Variants in PCSK5 observed in about 807,000 individuals in gnomAD.
PCSK5 encodes proprotein convertase subtilisin/kexin type 5, also known as prohormone convertase 5.
In PCSK5, 129 loss-of-function variants were observed where a neutral mutation model predicts 233.2. The observed-to-expected ratio is 0.55, with a 90% CI of 0.48 to 0.64. PCSK5 has a LOEUF of 0.64. Ranked by LOEUF, PCSK5 falls within the 30% of genes least tolerant of loss-of-function variation. PCSK5 has a pLI of 0.00. For synonymous variants in PCSK5, 825 were observed against 879.2 expected (o/e 0.94, Z 1.09); for missense variants, 2,076 against 2,430.1 (o/e 0.85, Z 3.06).
At chr9:76,259,560 T>G (rs146153105) in intron 24 of PCSK5, among the ~76,000 whole-genome samples, 16 of 152,282 alleles carry the variant, frequency 1.1e-4, no homozygotes, top group African/African-American at 3.8e-4. Flanking sequence ...TTTTATTGAC[T>G]TTTAATATCT....
At chr9:76,142,043 T>A (rs1475261417) in intron 10 of PCSK5, among the ~76,000 whole-genome samples, 1 of 152,034 alleles carries the variant, frequency 6.6e-6, no homozygotes, top group Non-Finnish European at 1.5e-5. Flanking sequence ...GCTTAATACC[T>A]GGGGGATGAA....
chr9:76,116,457 G>T (rs982753171), intron 9 of PCSK5, among the ~76,000 whole-genome samples: 1 of 152,052 alleles, frequency 6.6e-6, no homozygotes, highest in Non-Finnish European at 1.5e-5. Flanking sequence ...TGTGACACCT[G>T]GTAGTATCAT....
intron 21 of PCSK5, among the ~76,000 whole-genome samples, chr9:76,229,578 A>G (rs1317972293): frequency 1.3e-5 from 2 of 152,212 alleles, no homozygotes; most frequent in East Asian, 1.9e-4. Context: ...TATTTGATCT[A>G]TTTCAATGAA....
intron 1 of PCSK5, among the ~76,000 whole-genome samples, chr9:75,908,931 CTCTCTCTCTGTCTATCTA>C (rs1564074927): frequency 1.9e-4 from 22 of 117,762 alleles, no homozygotes; most frequent in South Asian, 1.8e-3. Context: ...ATCTCTCTAT[CTCTCTCTCTGTCTATCTA>C]TCTATCTATC....
At chr9:76,330,014 T>C (rs887969397) in intron 33 of PCSK5, among the ~76,000 whole-genome samples, 1 of 152,060 alleles carries the variant, frequency 6.6e-6, no homozygotes, top group Non-Finnish European at 1.5e-5. Context: ...CTCGGTGATA[T>C]TAATGTTGAT....
chr9:76,159,596 T>G (rs985889659), intron 12 of PCSK5, among the ~76,000 whole-genome samples: 5 of 152,210 alleles, frequency 3.3e-5, no homozygotes, highest in African/African-American at 1.2e-4. Context: ...ACAGATTTTT[T>G]CTGCACAGAG....
intron 24 of PCSK5, among the ~76,000 whole-genome samples, chr9:76,262,570 C>T (rs1186972877): frequency 6.0e-5 from 9 of 148,984 alleles, no homozygotes; most frequent in African/African-American, 2.0e-4. Context: ...AACTGGCTAG[C>T]CATATGTAGA....
rs547077228 is a variant in PCSK5, at chr9:75,958,838, G to T, written c.297+26355G>T. 1.9e-4 allele frequency among the ~76,000 whole-genome samples: 29 copies of T among 152,316 alleles called. No homozygotes were observed. In the South Asian group the frequency reaches 5.6e-3, roughly 29 times the overall value. On this transcript the variant is annotated intron_variant, in intron 2 of 37. Transcript: ENST00000674117. Reference sequence around the variant, plus strand: ...GGTTAATTCGTGCAAAAAGCACATTGTAAACTTGAAAGCATTGTATTTATC... The same window carrying T: ...GGTTAATTCGTGCAAAAAGCACATTTTAAACTTGAAAGCATTGTATTTATC...
At chr9:75,892,430 G>A (rs779114902) in intron 1 of PCSK5, among the ~76,000 whole-genome samples, 27 of 152,214 alleles carry the variant, frequency 1.8e-4, no homozygotes, top group Non-Finnish European at 3.5e-4. Context: ...CATCTTTGGG[G>A]TTGGCCGGAG....
intron 30 of PCSK5, among the ~76,000 whole-genome samples, chr9:76,321,029 T>G (rs747793610): frequency 6.6e-6 from 1 of 151,336 alleles, no homozygotes; most frequent in Non-Finnish European, 1.5e-5. Context: ...TTGGCCAGAA[T>G]GGTCTCGATC....
chr9:76,132,015 A>G (rs956870483), intron 9 of PCSK5, among the ~76,000 whole-genome samples: 2 of 152,112 alleles, frequency 1.3e-5, no homozygotes, highest in African/African-American at 4.8e-5. Flanking sequence ...TTTACCATAA[A>G]TAAGTGGCTA....
At chr9:76,069,299 G>A (rs10869685) in intron 6 of PCSK5, among the ~76,000 whole-genome samples, 35,790 of 151,824 alleles carry the variant, frequency 0.24, 4,672 homozygotes, top group South Asian at 0.31. Context: ...CCTTCTCATG[G>A]TCCAGGATAT....
chr9:76,046,326 C>T lies in PCSK5; in HGVS notation c.632+19289C>T, dbSNP rs532707012. ...CCAAGTAGCTGGGATTACAGGCGCG[C>T]GCCGCTATGCCCAGCTAATTTTTGT... On this transcript the variant is annotated intron_variant, in intron 5 of 37. Coordinates refer to ENST00000674117, the MANE Select transcript of PCSK5 (RefSeq NM_001372043.1). 6.9e-3 allele frequency among the ~76,000 whole-genome samples: 1,038 copies of T among 149,976 alleles called. 12 individuals are homozygous for T. The highest frequency in any genetic ancestry group is 0.011 in the Non-Finnish European group (725 of 67,454).
intron 24 of PCSK5, among the ~76,000 whole-genome samples, chr9:76,260,633 T>C (rs1273566445): frequency 2.6e-5 from 4 of 152,164 alleles, no homozygotes; most frequent in Non-Finnish European, 5.9e-5. Context: ...AAGAACCGAA[T>C]TCTGTCAACA....
intron 7 of PCSK5, among the ~76,000 whole-genome samples, chr9:76,095,498 A>G (rs1831472008): frequency 6.6e-6 from 1 of 152,172 alleles, no homozygotes; most frequent in Non-Finnish European, 1.5e-5. Context: ...CCTTAGGAAT[A>G]TTACTTAACT....
At chr9:76,289,829 G>C (rs1459421149) in intron 24 of PCSK5, among the ~76,000 whole-genome samples, 1 of 152,122 alleles carries the variant, frequency 6.6e-6, no homozygotes, top group African/African-American at 2.4e-5. Flanking sequence ...CACAGTTCCT[G>C]TTCTATGCAT....
chr9:76,058,022 A>T (rs79445862), intron 5 of PCSK5, among the ~76,000 whole-genome samples: 6,871 of 151,710 alleles, frequency 0.045, 325 homozygotes, highest in East Asian at 0.23. Flanking sequence ...TTATTTATTT[A>T]TTTTTTTGTA....
chr9:76,296,589 TC>T lies in PCSK5; in HGVS notation c.3323-74del, dbSNP rs1828444120. The T allele has an allele frequency of 3.0e-5, 26 of 868,696 alleles. No homozygotes were observed. In the Admixed American group the frequency reaches 6.5e-4, roughly 22 times the overall value. The allele number at this position is 868,696 out of a possible 1,614,324, so 53.8% of individuals were successfully genotyped here. A position where few individuals can be genotyped will look rare whatever the true frequency, so the allele number is the denominator to read the frequency against. On this transcript the variant is annotated intron_variant, in intron 26 of 37. Transcript: ENST00000674117. ...TGCAAAGAAAAATGTCCCTAAAATT[TC>T]CTCCAGCCTCTTTAGAACTTGGCCT...
At chr9:76,053,889 C>A (rs943405826) in intron 5 of PCSK5, among the ~76,000 whole-genome samples, 7 of 152,148 alleles carry the variant, frequency 4.6e-5, no homozygotes, top group Admixed American at 4.6e-4. Flanking sequence ...TACCCAGTAC[C>A]AATTTACTGT....
Sources: gnomAD v4.1 joint callset for allele counts (sites outside exome capture counted in the v4.1 genomes callset) on GRCh38, gnomAD v4.1.1 for gene constraint, MANE v1.5 for transcripts, NCBI Gene and HGNC (gene_info 2026-07-23, HGNC 2026-07-21) for gene names.